The following SGCD variants were observed in gnomAD, a reference collection of about 807,000 sequenced individuals.
SGCD encodes sarcoglycan delta, also known as delta-sarcoglycan.
A neutral mutation model predicts 36.6 loss-of-function variants in SGCD; 18 were observed. That is an observed-to-expected ratio of 0.49 (90% CI 0.34 to 0.73). The LOEUF (loss-of-function observed/expected upper bound fraction) is 0.73, where lower values mean the gene tolerates loss of function less well. SGCD is among the 30% of genes least tolerant of loss of function. SGCD has a pLI of 0.01. For missense variants in SGCD, 387 were observed against 346.7 expected (o/e 1.12, Z -0.92); for synonymous variants, 133 against 130.6 (o/e 1.02, Z -0.12).
chr5:155,808,151 C>A, the SGCD span, among the ~76,000 whole-genome samples: 1 of 152,190 alleles, frequency 6.6e-6, no homozygotes, highest in African/African-American at 2.4e-5. Context: ...AGGCCACGTA[C>A]CTTGTGGGCC....
rs370899404 is a variant in SGCD, at chr5:156,117,045, G to A, written c.-281-833G>A. 2.6e-4 allele frequency among the ~76,000 whole-genome samples: 40 copies of A among 152,086 alleles called. No individual in the cohort carries two copies. The East Asian group carries it at 5.0e-3, about 19-fold the overall frequency. On this transcript the variant is annotated intron_variant, in intron 1 of 9. Coordinates refer to the SGCD transcript ENST00000517913. The stretch of plus-strand genomic sequence containing the variant: ...ACCATAGAGTTAACAAGGAAATTGT[G>A]TAGCTTTGTTCAAACATCAGTCAGT...
chr5:155,811,863 T>A, the SGCD span, among the ~76,000 whole-genome samples: 1 of 152,242 alleles, frequency 6.6e-6, no homozygotes, highest in African/African-American at 2.4e-5. Context: ...GATGGTCACA[T>A]GGGGATGAAG....
intron 3 of SGCD, among the ~76,000 whole-genome samples, chr5:156,317,052 T>G (rs946048982): frequency 6.6e-6 from 1 of 152,128 alleles, no homozygotes; most frequent in Non-Finnish European, 1.5e-5. Flanking sequence ...GAATTAATTG[T>G]GATAATTAAG....
intron 7 of SGCD, among the ~76,000 whole-genome samples, chr5:156,710,808 A>G (rs543587374): frequency 3.3e-5 from 5 of 152,346 alleles, no homozygotes; most frequent in South Asian, 4.1e-4. Flanking sequence ...AATGTTTTCT[A>G]TGCAGACCTT....
chr5:156,623,008 A>G (rs1762314192), intron 6 of SGCD, among the ~76,000 whole-genome samples: 1 of 152,178 alleles, frequency 6.6e-6, no homozygotes, highest in South Asian at 2.1e-4. Context: ...CGACAGTCAC[A>G]TTTACATAGC....
chr5:156,026,617 G>T (rs1432660560), intron 1 of SGCD, among the ~76,000 whole-genome samples: 1 of 152,202 alleles, frequency 6.6e-6, no homozygotes, highest in Non-Finnish European at 1.5e-5. Flanking sequence ...AGTAAAATTT[G>T]TTAAGTTTAA....
chr5:156,728,726 G>A (rs189963924), intron 7 of SGCD, among the ~76,000 whole-genome samples: 440 of 151,766 alleles, frequency 2.9e-3, no homozygotes, highest in African/African-American at 9.8e-3. Context: ...CAACTTCACC[G>A]TGCACAATGG....
At chr5:156,060,554 G>C (rs944506891) in intron 1 of SGCD, among the ~76,000 whole-genome samples, 1 of 146,106 alleles carries the variant, frequency 6.8e-6, no homozygotes, top group Admixed American at 6.9e-5. Flanking sequence ...CTAACCAATT[G>C]AGACTGGTTA....
chr5:156,091,058 A>G (rs1229668031), intron 1 of SGCD, among the ~76,000 whole-genome samples: 2 of 152,196 alleles, frequency 1.3e-5, no homozygotes, highest in African/African-American at 4.8e-5. Context: ...TAATGCAATC[A>G]TCACAGGGTC....
chr5:155,742,819 G>C, the SGCD span, among the ~76,000 whole-genome samples: 1 of 152,214 alleles, frequency 6.6e-6, no homozygotes, highest in African/African-American at 2.4e-5. Flanking sequence ...GTTGTGACTT[G>C]TGCTTCTGAC....
chr5:156,418,516 G>T (rs1773152621), intron 3 of SGCD, among the ~76,000 whole-genome samples: 1 of 152,154 alleles, frequency 6.6e-6, no homozygotes, highest in Non-Finnish European at 1.5e-5. Flanking sequence ...TCATCACTTT[G>T]TCTTTGAGAG....
chr5:156,612,582 G>A (rs1168894686), intron 6 of SGCD, among the ~76,000 whole-genome samples: 1 of 152,246 alleles, frequency 6.6e-6, no homozygotes, highest in African/African-American at 2.4e-5. Flanking sequence ...CCACTATGCA[G>A]GTCTGCCTGT....
rs528409187 is a variant in SGCD, at chr5:156,474,670, T to C, written c.193-33931T>C. 3.9e-5 allele frequency among the ~76,000 whole-genome samples: 6 copies of C among 152,300 alleles called. No homozygotes were observed. In the South Asian group the frequency reaches 1.2e-3, roughly 32 times the overall value. On this transcript the variant is annotated intron_variant, in intron 3 of 8. Coordinates refer to ENST00000337851, the MANE Select transcript of SGCD (RefSeq NM_000337.6). ...ATTGAAGCAGAAACCAATCTAGAGA[T>C]GTGCCTGCTCTAATTTGGAATTCTT... is the stretch of plus-strand genomic sequence containing the variant.
intron 7 of SGCD, among the ~76,000 whole-genome samples, chr5:156,742,230 C>T (rs1367509460): frequency 2.0e-5 from 3 of 152,102 alleles, no homozygotes; most frequent in Admixed American, 6.6e-5. Flanking sequence ...CTCAGCGATA[C>T]GGAAATACTC....
chr5:156,315,726 A>T (rs1311957630), intron 3 of SGCD, among the ~76,000 whole-genome samples: 1 of 151,740 alleles, frequency 6.6e-6, no homozygotes, highest in Non-Finnish European at 1.5e-5. Flanking sequence ...GCATATATAT[A>T]TTTTTTGTCT....
chr5:156,422,208 T>C (rs1773341583), intron 3 of SGCD, among the ~76,000 whole-genome samples: 1 of 151,972 alleles, frequency 6.6e-6, no homozygotes, highest in Non-Finnish European at 1.5e-5. Flanking sequence ...AAAATAAAAA[T>C]CTTGTTGTAT....
At chr5:156,734,636 T>C (rs1197368281) in intron 7 of SGCD, among the ~76,000 whole-genome samples, 3 of 152,206 alleles carry the variant, frequency 2.0e-5, no homozygotes, top group Non-Finnish European at 4.4e-5. Flanking sequence ...AATTCTTTCC[T>C]CTGCTTGGTC....
chr5:156,205,095 T>G (rs1177575491), intron 3 of SGCD, among the ~76,000 whole-genome samples: 1 of 152,112 alleles, frequency 6.6e-6, no homozygotes, highest in East Asian at 1.9e-4. Flanking sequence ...CTGCCCTTCC[T>G]CCATCAGAGT....
the SGCD span, among the ~76,000 whole-genome samples, chr5:155,732,372 T>A: frequency 8.5e-3 from 1,290 of 152,342 alleles, 20 homozygotes; most frequent in African/African-American, 0.029. Context: ...GACTTCAAGA[T>A]CTCTGGTCCT....
Sources: allele counts gnomAD v4.1 joint callset (sites outside exome capture counted in the v4.1 genomes callset), GRCh38; gene constraint gnomAD v4.1.1; transcripts MANE v1.5; gene names NCBI Gene and HGNC (gene_info 2026-07-23, HGNC 2026-07-21).